The following ARHGAP32 variants were observed in gnomAD, a reference collection of about 807,000 sequenced individuals.
ARHGAP32 encodes Rho GTPase activating protein 32.
Under a neutral mutation model 186.5 loss-of-function variants are expected in ARHGAP32, and 51 were observed. That is an observed-to-expected ratio of 0.27 (90% CI 0.22 to 0.35). The LOEUF is 0.35. Among genes scored for constraint, ARHGAP32 ranks in the 10% least tolerant of loss-of-function variants. The probability of loss-of-function intolerance (pLI) is 1.00; values close to 1 mark genes in which losing one functional copy is unlikely to be tolerated. For missense variants in ARHGAP32, 2,186 were observed against 2,623.5 expected, an observed-to-expected ratio of 0.83 and a Z score of 3.64; for synonymous variants, 950 against 964.3, an observed-to-expected ratio of 0.99 and a Z score of 0.27.
chr11:128,969,261 T>C lies in ARHGAP32; in HGVS notation c.5952A>G (p.Glu1984=), dbSNP rs3740829. 0.075 allele frequency: 120,600 copies of C among 1,614,106 alleles called. 4,837 individuals are homozygous for C. Among genetic ancestry groups the C allele is most frequent in the African/African-American group, 0.092 (6,937 of 75,036 alleles). ...EKHSRDCYKE[E]EHLTQSIVPP... The stretch of plus-strand genomic sequence containing the variant: ...GGACGATTGACTGAGTGAGGTGTTC[T>C]TCCTCCTTGTAGCAGTCTCTGGAGT... Residue 1984 remains glutamate (E), a synonymous_variant, in exon 23 of 23, where the codon GAA becomes GAG. Transcript: ENST00000682385. This position sits in a 1 kb window ranked among gnomAD's most constrained non-coding sequence, Gnocchi z 4.8.
At chr11:129,265,369 G>A (rs563891463) in intron 1 of ARHGAP32, among the ~76,000 whole-genome samples, 2 of 152,326 alleles carry the variant, frequency 1.3e-5, no homozygotes, top group African/African-American at 4.8e-5. Context: ...GGAGAGAAGA[G>A]AGAGAGGTTG....
At position 128,988,131 on chromosome 11, in the gene ARHGAP32, G is replaced by C; in HGVS notation, c.1196-6C>G. 6.2e-7 allele frequency: 1 copy of C among 1,605,050 alleles called. No homozygotes were observed. The highest frequency in any genetic ancestry group is 1.1e-5 in the South Asian group (1 of 90,072). On this transcript the variant is annotated splice_polypyrimidine_tract_variant and splice_region_variant and intron_variant, in intron 12 of 22. Coordinates refer to ENST00000682385, the MANE Select transcript of ARHGAP32 (RefSeq NM_001378024.1). ...GCTTTGAAGAACCTGCGGCACTAAA[G>C]AGAATTTGTAAAGAAACAGATGAAA...
chr11:129,014,929 A>T (rs1191103347), intron 11 of ARHGAP32, among the ~76,000 whole-genome samples: 1 of 152,224 alleles, frequency 6.6e-6, no homozygotes, highest in Admixed American at 6.5e-5. Context: ...TTAAACAGAT[A>T]TTAAAAGATT....
intron 12 of ARHGAP32, among the ~76,000 whole-genome samples, chr11:128,997,490 T>C (rs1056037341): frequency 3.3e-5 from 5 of 152,196 alleles, no homozygotes; most frequent in Admixed American, 6.5e-5. Context: ...CCATACTAAT[T>C]TGGAATTTCA....
chr11:129,266,036 G>A (rs1945395604), intron 1 of ARHGAP32, among the ~76,000 whole-genome samples: 1 of 151,808 alleles, frequency 6.6e-6, no homozygotes, highest in African/African-American at 2.4e-5. Flanking sequence ...AACAATAAAA[G>A]GAAAACAATG....
intron 1 of ARHGAP32, among the ~76,000 whole-genome samples, chr11:129,239,052 G>A (rs1347883275): frequency 1.3e-5 from 2 of 151,852 alleles, no homozygotes; most frequent in Admixed American, 6.6e-5. Flanking sequence ...GTTTCACTAT[G>A]TTGCCCAGAC....
At chr11:129,192,428 G>C (rs1416430016), upstream of ARHGAP32, among the ~76,000 whole-genome samples, 2 of 152,104 alleles carry the variant, frequency 1.3e-5, no homozygotes, top group African/African-American at 2.4e-5. Flanking sequence ...CACTGCCTTA[G>C]GCTGCGTGAC....
rs1945243851 is a variant in ARHGAP32 at position 128,967,343 on chromosome 11, C to T, written c.*1564G>A. ...AGTTCTAAAAAGCCAGAGCAGCAAC[C>T]ATCCAGTAATTGGAATGCAATTCTC... is the stretch of plus-strand genomic sequence containing the variant. On this transcript the variant is annotated 3_prime_UTR_variant, in exon 23 of 23. Coordinates refer to ENST00000682385, the MANE Select transcript of ARHGAP32 (RefSeq NM_001378024.1). 1.3e-5 allele frequency: 2 copies of T among 152,172 alleles called. No individual in the cohort carries two copies. Among genetic ancestry groups the T allele is most frequent in the African/African-American group, 2.4e-5 (1 of 41,432 alleles). 9.4% of individuals were successfully genotyped at this position (152,172 alleles called of 1,614,324 possible).
At position 129,164,312 on chromosome 11, in the gene ARHGAP32, G is replaced by C; in HGVS notation, c.225+7C>G. 1 of 1,482,074 alleles carries C rather than the reference G, an allele frequency of 6.7e-7. No individual in the cohort carries two copies. Among genetic ancestry groups the C allele is most frequent in the Admixed American group, 2.0e-5 (1 of 50,192 alleles). 91.8% of individuals were successfully genotyped at this position (1,482,074 alleles called of 1,614,324 possible). The stretch of plus-strand genomic sequence containing the variant: ...TATATATGAACAATTGTATAAAACT[G>C]ATTTACCATTGCGCTAAGAGTTTCT... On this transcript the variant is annotated splice_region_variant and intron_variant, in intron 2 of 22. Coordinates refer to ENST00000682385, the MANE Select transcript of ARHGAP32 (RefSeq NM_001378024.1).
chr11:129,030,728 C>T (rs918596942), intron 11 of ARHGAP32, among the ~76,000 whole-genome samples: 7 of 152,162 alleles, frequency 4.6e-5, no homozygotes, highest in Non-Finnish European at 7.3e-5. Flanking sequence ...TGAATGTTTC[C>T]TTCATGTACT....
At position 129,001,959 on chromosome 11, in the gene ARHGAP32, G is replaced by A. The variant is rs142458368; in HGVS notation, c.1046-3491C>T. Among the ~76,000 whole-genome samples, 814 of 152,116 alleles carry A rather than the reference G, an allele frequency of 5.4e-3. 13 individuals carry two copies. The highest frequency in any genetic ancestry group is 0.019 in the African/African-American group (768 of 41,512). On this transcript the variant is annotated intron_variant, in intron 11 of 22. Coordinates refer to ENST00000682385, the MANE Select transcript of ARHGAP32 (RefSeq NM_001378024.1). ...GTTTCTGGGTTCTCTATTCTGTTCCGTTGGTCCATGTGTCTGTTTTTATGT... is the reference window on the plus strand; with the variant it reads ...GTTTCTGGGTTCTCTATTCTGTTCCATTGGTCCATGTGTCTGTTTTTATGT...
At chr11:128,986,808 TTTAAG>T in intron 13 of ARHGAP32, 140 bp from the exon 14 acceptor site, 2 of 784,366 alleles carry the variant, frequency 2.5e-6, no homozygotes, top group Non-Finnish European at 4.0e-6. Flanking sequence ...TTATATTTCA[TTTAAG>T]TTGTGTTTGG....
At chr11:129,257,740 A>C (rs1368806427) in intron 1 of ARHGAP32, among the ~76,000 whole-genome samples, 1 of 150,788 alleles carries the variant, frequency 6.6e-6, no homozygotes, top group Non-Finnish European at 1.5e-5. Flanking sequence ...CTTAAATCCT[A>C]AACAGAGTAC....
chr11:129,093,660 T>C lies in ARHGAP32; in HGVS notation c.492A>G (p.Glu164=). 6.2e-7 allele frequency: 1 copy of C among 1,605,396 alleles called. No homozygotes were observed. The highest frequency in any genetic ancestry group is 8.5e-7 in the Non-Finnish European group (1 of 1,175,534). Residue 164 remains glutamate, a synonymous_variant, in exon 6 of 23, where the codon GAA becomes GAG. Transcript: ENST00000682385. The stretch of plus-strand genomic sequence containing the variant: ...GCACGAGGTAGACCAGCTCTTTAGA[T>C]TCACAGCCATTTTTCATTACTTCAT... ...EQNEVMKNGC[E]SKELVYLVQI...
At chr11:129,105,301 A>G (rs1364861329) in intron 5 of ARHGAP32, among the ~76,000 whole-genome samples, 2 of 152,188 alleles carry the variant, frequency 1.3e-5, no homozygotes, top group Admixed American at 6.5e-5. Flanking sequence ...CGCACAGGGT[A>G]GGACACATAC....
rs1565441615 is a variant in ARHGAP32, at chr11:129,141,400, CTTATAGGTGGGAATTGAACAATGAGA to C, written c.226-16532_226-16507del. Among the ~76,000 whole-genome samples, 3 of 151,912 alleles carry C rather than the reference CTTATAGGTGGGAATTGAACAATGAGA, an allele frequency of 2.0e-5. No individual in the cohort carries two copies. The East Asian group carries it at 5.8e-4, about 29-fold the overall frequency. The stretch of plus-strand genomic sequence containing the variant: ...GAAAACCAAACACTGCATGTTCTCA[CTTATAGGTGGGAATTGAACAATGAGA>C]ACACATAGACACAAGGCAGGGAACA... On this transcript the variant is annotated intron_variant, in intron 2 of 22. Coordinates refer to ENST00000682385, the MANE Select transcript of ARHGAP32 (RefSeq NM_001378024.1).
intron 2 of ARHGAP32, chr11:129,126,108 A>C: frequency 4.0e-6 from 1 of 250,600 alleles, no homozygotes; most frequent in Non-Finnish European, 8.0e-6. Flanking sequence ...CTAGAAAAAA[A>C]TTTTAAGACT....
chr11:128,971,965 C>G (rs1945387368), intron 22 of ARHGAP32: 1 of 152,568 alleles, frequency 6.6e-6, no homozygotes, highest in African/African-American at 2.4e-5. Context: ...GCACTATAAT[C>G]TCTTATACTT....
At chr11:128,977,851 T>TTTATTATTATTATTA (rs58982581) in intron 19 of ARHGAP32, among the ~76,000 whole-genome samples, 6 of 138,968 alleles carry the variant, frequency 4.3e-5, no homozygotes, top group Non-Finnish European at 7.7e-5. Flanking sequence ...TTATTTGCAA[T>TTTATTATTATTATTA]TTATTATTAT....
Sources: gnomAD v4.1 joint callset for allele counts (sites outside exome capture counted in the v4.1 genomes callset) on GRCh38, gnomAD v4.1.1 for gene constraint, Gnocchi (gnomAD v3.1) non-coding constraint, MANE v1.5 for transcripts, NCBI Gene and HGNC (gene_info 2026-07-23, HGNC 2026-07-21) for gene names.